ARFGEF3: variants seen among roughly 807,000 people sequenced by gnomAD.
ARFGEF3 encodes the protein brefeldin A-inhibited guanine nucleotide-exchange protein 3.
Under a neutral mutation model 221.7 loss-of-function variants are expected in ARFGEF3, and 96 were observed. The ratio of observed to expected loss-of-function variants is 0.43; its 90% CI spans 0.37 to 0.51. ARFGEF3 has a LOEUF of 0.51. Among genes scored for constraint, ARFGEF3 ranks in the 20% least tolerant of loss-of-function variants. ARFGEF3 has a pLI of 0.00. For synonymous variants in ARFGEF3, 1,145 were observed against 1,126.8 expected, an observed-to-expected ratio of 1.02 and a Z score of -0.32; for missense variants, 2,410 against 2,789.9, an observed-to-expected ratio of 0.86 and a Z score of 3.07.
intron 8 of ARFGEF3, among the ~76,000 whole-genome samples, chr6:138,249,465 G>A (rs1778541868): frequency 6.6e-6 from 1 of 152,110 alleles, no homozygotes; most frequent in Non-Finnish European, 1.5e-5. Context: ...GAGTAGCTGG[G>A]ACTACAGGCA....
intron 2 of ARFGEF3, among the ~76,000 whole-genome samples, chr6:138,178,221 C>T (rs1776993874): frequency 6.6e-6 from 1 of 152,270 alleles, no homozygotes; most frequent in African/African-American, 2.4e-5. Context: ...TAGGCCATCT[C>T]ATATAATGAA....
rs1282550829 is a variant in ARFGEF3 at position 138,324,112 on chromosome 6, T to C, written c.4959T>C (p.Ser1653=). 1.2e-6 allele frequency: 2 copies of C among 1,613,770 alleles called. No homozygotes were observed. Among genetic ancestry groups the C allele is most frequent in the Non-Finnish European group, 8.5e-7 (1 of 1,179,868 alleles). Residue 1653 remains serine (S), a synonymous_variant, in exon 31 of 34, where the codon AGT becomes AGC. Transcript: ENST00000251691. The part of the protein sequence containing the change: ...VRVAAPSSSP[S]AEAEYWRIRA... ...TGGCGGCCCCGTCCTCCTCCCCAAG[T>C]GCCGAGGCCGAGTACTGGCGCATCC...
intron 12 of ARFGEF3, among the ~76,000 whole-genome samples, chr6:138,276,822 T>C (rs1422925276): frequency 2.6e-5 from 4 of 152,100 alleles, no homozygotes; most frequent in African/African-American, 7.2e-5. Context: ...TGCGCCACCA[T>C]GCCGGGCTAA....
intron 6 of ARFGEF3, among the ~76,000 whole-genome samples, chr6:138,242,211 A>C (rs1195691518): frequency 1.3e-5 from 2 of 152,338 alleles, no homozygotes; most frequent in East Asian, 3.9e-4. Flanking sequence ...ATACTTCCGG[A>C]TTATCTCTTG....
intron 12 of ARFGEF3, among the ~76,000 whole-genome samples, chr6:138,270,253 C>G: frequency 6.6e-6 from 1 of 152,096 alleles, no homozygotes; most frequent in East Asian, 1.9e-4. Flanking sequence ...TAATACAGCA[C>G]CATATTTTGT....
At chr6:138,317,637 A>G (rs924310746) in intron 27 of ARFGEF3, among the ~76,000 whole-genome samples, 1 of 152,202 alleles carries the variant, frequency 6.6e-6, no homozygotes, top group Non-Finnish European at 1.5e-5. Context: ...TAGGAGCTCC[A>G]CATTAATCAG....
chr6:138,314,908 C>T (rs1779896176), intron 26 of ARFGEF3, among the ~76,000 whole-genome samples: 1 of 152,230 alleles, frequency 6.6e-6, no homozygotes, highest in Non-Finnish European at 1.5e-5. Flanking sequence ...TTTCCATGGA[C>T]TTTCCAAAAA....
At chr6:138,284,946 T>A (rs2114625972) in intron 14 of ARFGEF3, among the ~76,000 whole-genome samples, 1 of 152,312 alleles carries the variant, frequency 6.6e-6, no homozygotes, top group South Asian at 2.1e-4. Flanking sequence ...AACAGAGTAG[T>A]ATTTGTGTAT....
rs201522845 is a variant in ARFGEF3, at chr6:138,317,397, C to T, written c.4474+18C>T. ...AACACCAGGTAAATATTTCTGTGTC[C>T]GTCTTTTGGGGGAGTGGTTATACAT... is the stretch of plus-strand genomic sequence containing the variant. On this transcript the variant is annotated intron_variant, in intron 27 of 33. Coordinates refer to ENST00000251691, the MANE Select transcript of ARFGEF3 (RefSeq NM_020340.5). The T allele has an allele frequency of 1.6e-4, 256 of 1,613,464 alleles. 3 individuals are homozygous for T. The highest frequency in any genetic ancestry group is 1.3e-3 in the South Asian group (119 of 90,962).
At chr6:138,266,441 G>C (rs1026046141) in intron 12 of ARFGEF3, among the ~76,000 whole-genome samples, 1 of 152,038 alleles carries the variant, frequency 6.6e-6, no homozygotes, top group African/African-American at 2.4e-5. Flanking sequence ...GCCTCACTAT[G>C]TTGTTCTGGC....
intron 25 of ARFGEF3, 123 bp downstream of exon 25, chr6:138,311,633 G>T (rs1325145140): frequency 1.5e-6 from 1 of 648,994 alleles, no homozygotes; most frequent in East Asian, 2.7e-5. Context: ...GAGGAGATTG[G>T]GGCGCAGATG....
chr6:138,267,058 T>C (rs990970878), intron 12 of ARFGEF3, among the ~76,000 whole-genome samples: 2 of 152,076 alleles, frequency 1.3e-5, no homozygotes, highest in African/African-American at 4.8e-5. Flanking sequence ...CAGCAAACAT[T>C]GTTAGTCCCC....
At chr6:138,173,602 CTTCT>C (rs1776882223) in intron 2 of ARFGEF3, among the ~76,000 whole-genome samples, 1 of 152,072 alleles carries the variant, frequency 6.6e-6, no homozygotes, top group Non-Finnish European at 1.5e-5. Flanking sequence ...ATATAATGAC[CTTCT>C]TTGTCTAGTG....
chr6:138,197,438 G>T (rs1270538542), intron 2 of ARFGEF3, among the ~76,000 whole-genome samples: 3 of 152,196 alleles, frequency 2.0e-5, no homozygotes, highest in Admixed American at 6.5e-5. Flanking sequence ...ATACATAAAT[G>T]AGTAACATGG....
intron 22 of ARFGEF3, among the ~76,000 whole-genome samples, chr6:138,304,301 A>G (rs1036152500): frequency 2.6e-5 from 4 of 152,230 alleles, no homozygotes; most frequent in Non-Finnish European, 5.9e-5. Flanking sequence ...GAAAATCTAT[A>G]GTGACAAAAA....
At position 138,255,710 on chromosome 6, in the gene ARFGEF3, C is replaced by A; in HGVS notation, c.1045C>A (p.Arg349=). The A allele has an allele frequency of 1.2e-6, 2 of 1,610,722 alleles. No individual in the cohort carries two copies. The highest frequency in any genetic ancestry group is 1.7e-6 in the Non-Finnish European group (2 of 1,177,966). The change falls in exon 10 of 34, where the codon CGA becomes AGA. Residue 349 remains arginine (R), a synonymous_variant. Transcript: ENST00000251691. ...GCCCGTGCTCCAGTCCCTCTACCAC[C>A]GAGTGCTGCTCTACCCCCCACCCCA... The part of the protein sequence containing the change: ...MKPVLQSLYH[R]VLLYPPPQHR...
chr6:138,252,250 T>C (rs1214552292), intron 8 of ARFGEF3, among the ~76,000 whole-genome samples: 1 of 152,234 alleles, frequency 6.6e-6, no homozygotes, highest in Non-Finnish European at 1.5e-5. Context: ...CAGGAACCTT[T>C]TTCTATAAAG....
intron 2 of ARFGEF3, among the ~76,000 whole-genome samples, chr6:138,188,279 G>C (rs974093325): frequency 7.2e-5 from 11 of 152,110 alleles, no homozygotes; most frequent in African/African-American, 2.4e-4. Context: ...TGAATGGCGA[G>C]AATAATCATG....
At chr6:138,215,023 A>T (rs1334615341) in intron 4 of ARFGEF3, among the ~76,000 whole-genome samples, 4 of 152,238 alleles carry the variant, frequency 2.6e-5, no homozygotes, top group African/African-American at 9.6e-5. Flanking sequence ...TTGGAAATGG[A>T]TTAGTAGACT....
Sources: allele counts gnomAD v4.1 joint callset (sites outside exome capture counted in the v4.1 genomes callset), GRCh38; gene constraint gnomAD v4.1.1; transcripts MANE v1.5; gene names NCBI Gene and HGNC (gene_info 2026-07-23, HGNC 2026-07-21).